The following RAP1GDS1 variants were observed in gnomAD, a reference collection of about 807,000 sequenced individuals.
The protein encoded by RAP1GDS1 is RAP1, GTP-GDP dissociation stimulator 1.
A neutral mutation model predicts 71.1 loss-of-function variants in RAP1GDS1; 35 were observed. The ratio of observed to expected loss-of-function variants is 0.49; its 90% confidence interval spans 0.38 to 0.65. RAP1GDS1 has a LOEUF of 0.65. RAP1GDS1 is among the 30% of genes least tolerant of loss of function. RAP1GDS1 has a pLI of 0.00. For missense variants in RAP1GDS1, 663 were observed against 706.1 expected (o/e 0.94, Z 0.69); for synonymous variants, 229 against 243.1 (o/e 0.94, Z 0.54).
intron 1 of RAP1GDS1, among the ~76,000 whole-genome samples, chr4:98,277,856 T>A (rs747403575): frequency 1.3e-5 from 2 of 152,234 alleles, no homozygotes; most frequent in Non-Finnish European, 2.9e-5. Context: ...GTGGGCCAAA[T>A]ATACCATGTA....
At chr4:98,354,320 C>T (rs1436421336) in intron 4 of RAP1GDS1, among the ~76,000 whole-genome samples, 5 of 152,080 alleles carry the variant, frequency 3.3e-5, no homozygotes, top group African/African-American at 1.2e-4. Context: ...CCTCGGCCTC[C>T]CAAAGTGCTG....
intron 5 of RAP1GDS1, among the ~76,000 whole-genome samples, chr4:98,386,074 T>C (rs540192367): frequency 6.6e-6 from 1 of 151,838 alleles, no homozygotes; most frequent in Non-Finnish European, 1.5e-5. Flanking sequence ...AAAAGACATT[T>C]AACTTAAAAG....
chr4:98,410,134 CT>C (rs1187006603), intron 7 of RAP1GDS1, among the ~76,000 whole-genome samples: 2 of 151,860 alleles, frequency 1.3e-5, no homozygotes, highest in Non-Finnish European at 2.9e-5. Flanking sequence ...AGTTAAAACT[CT>C]TTTTTTAAAG....
intron 12 of RAP1GDS1, 106 bp downstream of exon 12, chr4:98,421,500 G>T: frequency 8.3e-7 from 1 of 1,209,718 alleles, no homozygotes; most frequent in Non-Finnish European, 1.1e-6. Context: ...TGAAAGTATT[G>T]TGAAGATTCA....
rs535725805 is a variant in RAP1GDS1, at chr4:98,442,900, C to T, written c.*783C>T. On this transcript the variant is annotated 3_prime_UTR_variant, in exon 15 of 15. Transcript: ENST00000408927. ...AGATTCTGATACATACGCTGTTTCACTCAGGAACTACTTCTACCAGTTAAT... is the reference window on the plus strand; with the variant it reads ...AGATTCTGATACATACGCTGTTTCATTCAGGAACTACTTCTACCAGTTAAT... The T allele has an allele frequency of 8.7e-6, 2 of 231,048 alleles. No homozygotes were observed. Among genetic ancestry groups the T allele is most frequent in the African/African-American group, 4.4e-5 (2 of 45,290 alleles). 14.3% of individuals were successfully genotyped at this position (231,048 alleles called of 1,614,324 possible). A position where few individuals can be genotyped will look rare whatever the true frequency, so the allele number is the denominator to read the frequency against.
At chr4:98,415,505 A>G (rs1747819326) in intron 7 of RAP1GDS1, among the ~76,000 whole-genome samples, 1 of 152,222 alleles carries the variant, frequency 6.6e-6, no homozygotes, top group African/African-American at 2.4e-5. Flanking sequence ...CCACGGTGCC[A>G]GCCAGTCCCA....
chr4:98,279,173 GAGATCGCA>G (rs1218784706), intron 1 of RAP1GDS1, among the ~76,000 whole-genome samples: 2 of 151,906 alleles, frequency 1.3e-5, no homozygotes, highest in Admixed American at 1.3e-4. Flanking sequence ...GCAGTGAGCC[GAGATCGCA>G]CCACTGCACT....
intron 2 of RAP1GDS1, among the ~76,000 whole-genome samples, chr4:98,304,595 C>T (rs777620298): frequency 1.3e-5 from 2 of 152,010 alleles, no homozygotes; most frequent in Non-Finnish European, 2.9e-5. Flanking sequence ...GGATATTAGA[C>T]CTTTGTCAGA....
At chr4:98,294,535 G>T (rs1336088823) in intron 2 of RAP1GDS1, among the ~76,000 whole-genome samples, 3 of 152,006 alleles carry the variant, frequency 2.0e-5, no homozygotes, top group Non-Finnish European at 4.4e-5. Context: ...GAAACAAGGA[G>T]TTCAATAAGA....
intron 6 of RAP1GDS1, among the ~76,000 whole-genome samples, chr4:98,398,940 G>T (rs1172015721): frequency 6.6e-6 from 1 of 152,140 alleles, no homozygotes; most frequent in East Asian, 1.9e-4. Flanking sequence ...GCAACTAGAA[G>T]GACATCCCAT....
At chr4:98,344,259 C>T (rs1735920596) in intron 3 of RAP1GDS1, among the ~76,000 whole-genome samples, 1 of 152,136 alleles carries the variant, frequency 6.6e-6, no homozygotes, top group Non-Finnish European at 1.5e-5. Context: ...TATGTCACAT[C>T]TAAGAAGCAG....
At chr4:98,304,095 A>G (rs928855583) in intron 2 of RAP1GDS1, among the ~76,000 whole-genome samples, 15 of 152,166 alleles carry the variant, frequency 9.9e-5, no homozygotes, top group Non-Finnish European at 1.6e-4. Flanking sequence ...CCAGTCTATC[A>G]TTGATGGGCA....
At chr4:98,397,498 A>G (rs1019999293) in intron 6 of RAP1GDS1, among the ~76,000 whole-genome samples, 1 of 152,146 alleles carries the variant, frequency 6.6e-6, no homozygotes, top group Non-Finnish European at 1.5e-5. Flanking sequence ...AAGCAAACAA[A>G]TAAGAACAAC....
intron 7 of RAP1GDS1, among the ~76,000 whole-genome samples, chr4:98,413,723 G>GGGTATATA (rs1307215242): frequency 1.5e-4 from 23 of 152,110 alleles, no homozygotes; most frequent in African/African-American, 5.5e-4. Flanking sequence ...ATAGTCATTT[G>GGGTATATA]GGTATATACC....
intron 2 of RAP1GDS1, among the ~76,000 whole-genome samples, chr4:98,329,652 G>T (rs920777605): frequency 6.6e-6 from 1 of 151,972 alleles, no homozygotes; most frequent in African/African-American, 2.4e-5. Context: ...AGCTGGGCAT[G>T]GTGGCAGACA....
chr4:98,441,891 T>C, intron 14 of RAP1GDS1, 99 bp from the exon 15 acceptor site: 1 of 1,294,338 alleles, frequency 7.7e-7, no homozygotes, highest in Non-Finnish European at 1.0e-6. Context: ...TTTCTAGTTT[T>C]ATAAGCTTAG....
At chr4:98,309,973 G>A (rs992988597) in intron 2 of RAP1GDS1, among the ~76,000 whole-genome samples, 5 of 151,840 alleles carry the variant, frequency 3.3e-5, no homozygotes, top group South Asian at 2.1e-4. Flanking sequence ...AATGTAGGTC[G>A]ACTCATTAGA....
chr4:98,278,514 A>G (rs1484999815), intron 1 of RAP1GDS1, among the ~76,000 whole-genome samples: 1 of 152,194 alleles, frequency 6.6e-6, no homozygotes, highest in Non-Finnish European at 1.5e-5. Context: ...ACTACTTATG[A>G]TCTATATAGT....
At chr4:98,333,645 A>G (rs898594501) in intron 2 of RAP1GDS1, among the ~76,000 whole-genome samples, 2 of 152,206 alleles carry the variant, frequency 1.3e-5, no homozygotes, top group South Asian at 2.1e-4. Context: ...TCATGGGTAA[A>G]CATTTATCCT....
Sources: gnomAD v4.1 joint callset for allele counts (sites outside exome capture counted in the v4.1 genomes callset) on GRCh38, gnomAD v4.1.1 for gene constraint, MANE v1.5 for transcripts, NCBI Gene and HGNC (gene_info 2026-07-23, HGNC 2026-07-21) for gene names.